The following ARFGEF1 variants were observed in gnomAD, a reference collection of about 807,000 sequenced individuals.
ARFGEF1 encodes brefeldin A-inhibited guanine nucleotide-exchange protein 1.
A neutral mutation model predicts 231.0 loss-of-function variants in ARFGEF1; 42 were observed. That is an observed-to-expected ratio of 0.18 (90% CI 0.14 to 0.24). ARFGEF1 has a LOEUF of 0.24. Among genes scored for constraint, ARFGEF1 ranks in the 10% least tolerant of loss-of-function variants. The pLI is 1.00. For missense variants in ARFGEF1, 1,345 were observed against 2,192.0 expected, an observed-to-expected ratio of 0.61 and a Z score of 7.72; for synonymous variants, 710 against 732.3, an observed-to-expected ratio of 0.97 and a Z score of 0.49.
At chr8:67,280,440 G>A (rs955853381) in intron 7 of ARFGEF1, among the ~76,000 whole-genome samples, 2 of 152,180 alleles carry the variant, frequency 1.3e-5, no homozygotes, top group African/African-American at 2.4e-5. Context: ...AAACACAGAA[G>A]GAAAACCAAC....
At position 67,192,364 on chromosome 8, in the gene ARFGEF1, C is replaced by T. The variant is rs908698969; in HGVS notation, c.560+8032G>A. 6.6e-5 allele frequency among the ~76,000 whole-genome samples: 10 copies of T among 152,224 alleles called. 1 individual carries two copies. Among genetic ancestry groups the T allele is most frequent in the East Asian group, 5.8e-4 (3 of 5,182 alleles). ...TGCTAGGATTACAGGCATGAGCCACCGCGCCCAGCCCTTTGTCCATTTTCA... is the reference window on the plus strand; with the variant it reads ...TGCTAGGATTACAGGCATGAGCCACTGCGCCCAGCCCTTTGTCCATTTTCA... On this transcript the variant is annotated intron_variant, in intron 5 of 5. Transcript: ENST00000518789.
rs1808757045 is a variant in ARFGEF1, at chr8:67,343,448, C to G, written c.-161G>C. 1 of 1,354,548 alleles carries G rather than the reference C, an allele frequency of 7.4e-7. No homozygotes were observed. Among genetic ancestry groups the G allele is most frequent in the Admixed American group, 2.9e-5 (1 of 34,222 alleles). 83.9% of individuals were successfully genotyped at this position (1,354,548 alleles called of 1,614,324 possible). A position where few individuals can be genotyped will look rare whatever the true frequency, so the allele number is the denominator to read the frequency against. On this transcript the variant is annotated 5_prime_UTR_variant, in exon 1 of 39. Coordinates refer to ENST00000262215, the MANE Select transcript of ARFGEF1 (RefSeq NM_006421.5). The stretch of plus-strand genomic sequence containing the variant: ...GCAGGATCAGGAAGGGGCGGGCGAG[C>G]GGGACCAGCCGCGGTGTCGGCGAAG...
chr8:67,320,594 G>A (rs1364274963), intron 1 of ARFGEF1, among the ~76,000 whole-genome samples: 1 of 152,124 alleles, frequency 6.6e-6, no homozygotes, highest in Non-Finnish European at 1.5e-5. Context: ...TGCCAAAACT[G>A]GAAACAACTC....
intron 7 of ARFGEF1, among the ~76,000 whole-genome samples, chr8:67,286,882 TC>T (rs1291194525): frequency 6.6e-6 from 1 of 152,170 alleles, no homozygotes; most frequent in Non-Finnish European, 1.5e-5. Flanking sequence ...CATAATCATT[TC>T]CACACAGATG....
intron 22 of ARFGEF1, among the ~76,000 whole-genome samples, chr8:67,237,398 G>A (rs1344209467): frequency 6.6e-6 from 1 of 152,216 alleles, no homozygotes; most frequent in African/African-American, 2.4e-5. Context: ...AGTCCAACTT[G>A]AAGCCATATC....
chr8:67,291,125 A>G (rs1269590590), intron 6 of ARFGEF1, among the ~76,000 whole-genome samples: 1 of 152,176 alleles, frequency 6.6e-6, no homozygotes, highest in Non-Finnish European at 1.5e-5. Context: ...AATGACATCA[A>G]GCTAAGGAAG....
At chr8:67,273,102 G>A (rs962728531) in intron 9 of ARFGEF1, among the ~76,000 whole-genome samples, 5 of 151,858 alleles carry the variant, frequency 3.3e-5, no homozygotes, top group African/African-American at 7.3e-5. Context: ...GTGAGACTCC[G>A]TGTCCAAAAA....
chr8:67,177,791 T>A, intron 5 of ARFGEF1: 8 of 1,086,900 alleles, frequency 7.4e-6, no homozygotes, highest in Non-Finnish European at 1.1e-5. Flanking sequence ...AGGCATATGA[T>A]GATCAAGTAA....
rs1193998653 is a variant in ARFGEF1 at position 67,301,303 on chromosome 8, T to A, written c.233A>T (p.Asp78Val). 5 of 1,614,146 alleles carry A rather than the reference T, an allele frequency of 3.1e-6. No homozygotes were observed. The highest frequency in any genetic ancestry group is 4.2e-6 in the Non-Finnish European group (5 of 1,180,020). Residue 78 changes from aspartate to valine, a missense_variant, in exon 3 of 39, where the codon GAC (aspartate) becomes GTC (valine). Coordinates refer to ENST00000262215, the MANE Select transcript of ARFGEF1 (RefSeq NM_006421.5). Reference sequence around the variant, plus strand: ...CAACTCAAAAGGCAAGAAGTACTTGTCTGCTTCAATAAAATTTGTCTTTGA... The same window carrying A: ...CAACTCAAAAGGCAAGAAGTACTTGACTGCTTCAATAAAATTTGTCTTTGA... ...VKSKTNFIEA[D>V]KYFLPFELAC...
At chr8:67,232,309 G>A (rs1839579242) in intron 23 of ARFGEF1, among the ~76,000 whole-genome samples, 1 of 151,954 alleles carries the variant, frequency 6.6e-6, no homozygotes, top group African/African-American at 2.4e-5. Context: ...CTATGTGCTG[G>A]ACATTTTAAA....
chr8:67,257,131 T>G (rs1478812425), intron 17 of ARFGEF1, among the ~76,000 whole-genome samples: 1 of 151,640 alleles, frequency 6.6e-6, no homozygotes, highest in East Asian at 1.9e-4. Context: ...CAGGATGGAG[T>G]GCAGTGACAC....
At position 67,232,902 on chromosome 8, in the gene ARFGEF1, T is replaced by C; in HGVS notation, c.3333A>G (p.Glu1111=). The change falls in exon 23 of 39, where the codon GAA becomes GAG. Residue 1111 remains glutamate, a synonymous_variant. Transcript: ENST00000262215. Reference sequence around the variant, plus strand: ...TCTGAGAACTGGTTTCTCCAATGGATTCCTGAATACTTGCTATCTGTTTCC... The same window carrying C: ...TCTGAGAACTGGTTTCTCCAATGGACTCCTGAATACTTGCTATCTGTTTCC... ...VDWKQIASIQ[E]SIGETSSQSV... 1 of 1,611,608 alleles carries C rather than the reference T, an allele frequency of 6.2e-7. No homozygotes were observed.
At chr8:67,220,979 A>C (rs1839136306) in intron 29 of ARFGEF1, among the ~76,000 whole-genome samples, 1 of 150,930 alleles carries the variant, frequency 6.6e-6, no homozygotes, top group South Asian at 2.1e-4. Flanking sequence ...AGGACATTTC[A>C]GTCAACAATG....
chr8:67,192,804 G>C (rs1227926866), downstream of ARFGEF1, among the ~76,000 whole-genome samples: 1 of 152,126 alleles, frequency 6.6e-6, no homozygotes, highest in African/African-American at 2.4e-5. Flanking sequence ...GTCCATAAAC[G>C]TAAGGATTTA....
At chr8:67,218,160 G>T in intron 30 of ARFGEF1, 22 bp from the exon 31 acceptor site, 3 of 1,299,132 alleles carry the variant, frequency 2.3e-6, no homozygotes, top group South Asian at 2.3e-5. Flanking sequence ...AGTCATTAAT[G>T]AACATCACGC....
At chr8:67,334,683 A>C (rs1370548490) in intron 1 of ARFGEF1, among the ~76,000 whole-genome samples, 1 of 152,222 alleles carries the variant, frequency 6.6e-6, no homozygotes, top group Non-Finnish European at 1.5e-5. Flanking sequence ...GTAAATGGAT[A>C]AACAAAATAT....
At chr8:67,271,627 G>T in intron 10 of ARFGEF1, 75 bp downstream of exon 10, 1 of 1,064,912 alleles carries the variant, frequency 9.4e-7, no homozygotes, top group Non-Finnish European at 1.4e-6. Flanking sequence ...GAACTTTGCA[G>T]TGTATTCAAA....
intron 1 of ARFGEF1, among the ~76,000 whole-genome samples, chr8:67,340,945 T>C (rs560244526): frequency 1.3e-5 from 2 of 152,272 alleles, no homozygotes; most frequent in South Asian, 4.1e-4. Context: ...CTAAAGATGA[T>C]GCTCATGAGT....
intron 17 of ARFGEF1, among the ~76,000 whole-genome samples, chr8:67,256,359 G>A (rs185959534): frequency 1.9e-3 from 290 of 152,182 alleles, no homozygotes; most frequent in African/African-American, 6.7e-3. Context: ...TCAATATTGT[G>A]TTTAAAACAG....
Sources: gnomAD v4.1 joint callset for allele counts (sites outside exome capture counted in the v4.1 genomes callset) on GRCh38, gnomAD v4.1.1 for gene constraint, MANE v1.5 for transcripts, NCBI Gene and HGNC (gene_info 2026-07-23, HGNC 2026-07-21) for gene names.